The following ANK1 variants were observed in gnomAD, a reference collection of about 807,000 sequenced individuals.
ANK1 encodes the protein ankyrin-1.
In ANK1, 51 loss-of-function variants were observed where a neutral mutation model predicts 210.4. The observed-to-expected ratio is 0.24, with a 90% CI of 0.19 to 0.31. ANK1 has a LOEUF of 0.31. ANK1 is among the 10% of genes least tolerant of loss of function. The pLI, the probability that ANK1 is intolerant of heterozygous loss-of-function variation, is 1.00. For missense variants in ANK1, 2,051 were observed against 2,504.4 expected, an observed-to-expected ratio of 0.82 and a Z score of 3.86; for synonymous variants, 967 against 1,025.9, an observed-to-expected ratio of 0.94 and a Z score of 1.10.
intron 1 of ANK1, among the ~76,000 whole-genome samples, chr8:41,809,364 A>G (rs1802126231): frequency 6.6e-6 from 1 of 152,254 alleles, no homozygotes; most frequent in Admixed American, 6.5e-5. Context: ...CATAGAAATA[A>G]CGTGGAGCAA....
At chr8:41,710,197 C>T (rs762743181) in intron 16 of ANK1, among the ~76,000 whole-genome samples, 4 of 152,204 alleles carry the variant, frequency 2.6e-5, no homozygotes, top group Non-Finnish European at 5.9e-5. Flanking sequence ...CCCAGGTGGG[C>T]ACCTTTGCTC....
At chr8:41,697,346 A>G (rs1563468235) in intron 24 of ANK1, among the ~76,000 whole-genome samples, 1 of 152,204 alleles carries the variant, frequency 6.6e-6, no homozygotes, top group African/African-American at 2.4e-5. Context: ...GCCCTGGCAC[A>G]GCCAGCAGCA....
intron 10 of ANK1, among the ~76,000 whole-genome samples, chr8:41,719,323 A>G (rs1166930896): frequency 6.6e-6 from 1 of 152,170 alleles, no homozygotes; most frequent in African/African-American, 2.4e-5. Context: ...GGAATCACTC[A>G]GCTCCAGGCC....
chr8:41,689,018 C>T (rs1818480973), intron 33 of ANK1, among the ~76,000 whole-genome samples: 1 of 152,216 alleles, frequency 6.6e-6, no homozygotes, highest in Admixed American at 6.5e-5. Context: ...GGATTTCTTT[C>T]TGCTTGAAAG....
At position 41,693,991 on chromosome 8, in the gene ANK1, G is replaced by T; in HGVS notation, c.3439C>A (p.Leu1147Ile). The T allele has an allele frequency of 6.2e-7, 1 of 1,614,108 alleles. No homozygotes were observed. The highest frequency in any genetic ancestry group is 8.5e-7 in the Non-Finnish European group (1 of 1,179,988). ...RRRKFHRPIG[L>I]RIPLPPSWTD... ...CAGGAAGGAGGTAGTGGGATCCGAAGCCCAATGGGGCGGTGGAACTTCCGG... is the reference window on the plus strand; with the variant it reads ...CAGGAAGGAGGTAGTGGGATCCGAATCCCAATGGGGCGGTGGAACTTCCGG... Residue 1147 changes from leucine (L) to isoleucine (I), a missense_variant, in exon 29 of 43, where the codon CTT becomes ATT. By Grantham distance (5) the Leu-to-Ile change is conservative. This residue lies in a region of ANK1 where 1,413 missense variants were observed against 1,707.4 expected (regional missense o/e 0.83). Transcript: ENST00000289734.
chr8:41,801,223 G>A (rs57403398), upstream of ANK1, among the ~76,000 whole-genome samples: 1,935 of 152,242 alleles, frequency 0.013, 46 homozygotes, highest in African/African-American at 0.045. Flanking sequence ...CAATCCTCCT[G>A]CCTCAGCCTC....
chr8:41,785,772 T>C (rs1403529935), intron 1 of ANK1, among the ~76,000 whole-genome samples: 1 of 152,180 alleles, frequency 6.6e-6, no homozygotes, highest in East Asian at 1.9e-4. Context: ...TCCAGATCAC[T>C]CACTGCAAGG....
chr8:41,850,771 C>A (rs1811095391), intron 1 of ANK1, among the ~76,000 whole-genome samples: 1 of 152,258 alleles, frequency 6.6e-6, no homozygotes, highest in South Asian at 2.1e-4. Flanking sequence ...CATGAGCTAC[C>A]ATGCCTGGCC....
At chr8:41,784,070 A>C (rs1331458306) in intron 1 of ANK1, among the ~76,000 whole-genome samples, 1 of 152,060 alleles carries the variant, frequency 6.6e-6, no homozygotes. Context: ...AAAAAAAAAA[A>C]AAAGCTGTGA....
intron 3 of ANK1, among the ~76,000 whole-genome samples, chr8:41,729,556 A>T (rs1264764760): frequency 2.0e-5 from 3 of 152,260 alleles, no homozygotes; most frequent in East Asian, 3.9e-4. Context: ...GTGCCCAGCC[A>T]ATTTTTAAAT....
At chr8:41,669,923 C>T (rs1309578413) in intron 38 of ANK1, among the ~76,000 whole-genome samples, 1 of 152,086 alleles carries the variant, frequency 6.6e-6, no homozygotes, top group African/African-American at 2.4e-5. Flanking sequence ...CGGTCTCCTT[C>T]AAAGGGCTAG....
At chr8:41,758,367 G>C (rs1282061941) in intron 1 of ANK1, among the ~76,000 whole-genome samples, 1 of 152,196 alleles carries the variant, frequency 6.6e-6, no homozygotes, top group African/African-American at 2.4e-5. Flanking sequence ...TGTTAAGAGA[G>C]AGTGTTGCTC....
At chr8:41,852,090 G>A (rs1049259035) in intron 1 of ANK1, among the ~76,000 whole-genome samples, 1 of 152,198 alleles carries the variant, frequency 6.6e-6, no homozygotes, top group African/African-American at 2.4e-5. Flanking sequence ...ACGGCTAGTA[G>A]TAGATGGCTG....
In ANK1 at chr8:41,672,718, C is replaced by T. The variant is rs760389794; in HGVS notation, c.4732G>A (p.Val1578Ile). Residue 1578 changes from valine (V) to isoleucine (I), a missense_variant, in exon 38 of 43, where the codon GTC becomes ATC. By Grantham distance (29) the Val-to-Ile change is conservative (BLOSUM62 3). Around this residue, in one of 6 missense-constraint regions of ANK1, gnomAD observed 496 missense variants for 533.4 expected, o/e 0.93. Coordinates refer to ENST00000289734, the MANE Select transcript of ANK1 (RefSeq NM_000037.4). ...VWSAGLTPSL[V>I]TAEDSSLECS... ...TCCAGAGAGGAGTCCTCAGCAGTGA[C>T]CAGAGAAGGCGTGAGGCCCGCAGAC... 5.0e-6 allele frequency: 8 copies of T among 1,609,642 alleles called. No homozygotes were observed. The highest frequency in any genetic ancestry group is 5.9e-6 in the Non-Finnish European group (7 of 1,176,752).
intron 1 of ANK1, among the ~76,000 whole-genome samples, chr8:41,783,034 A>C (rs76544081): frequency 3.7e-3 from 557 of 152,364 alleles, no homozygotes; most frequent in Non-Finnish European, 6.1e-3. Context: ...CCAGCCAAGC[A>C]AACTATCAAA....
chr8:41,835,622 G>A (rs1312749686), intron 1 of ANK1, among the ~76,000 whole-genome samples: 5 of 152,236 alleles, frequency 3.3e-5, no homozygotes, highest in Non-Finnish European at 7.3e-5. Context: ...GCTGCTGCCA[G>A]CAGAGCCCAC....
intron 1 of ANK1, among the ~76,000 whole-genome samples, chr8:41,827,500 A>C (rs1395933609): frequency 6.6e-6 from 1 of 152,228 alleles, no homozygotes; most frequent in Non-Finnish European, 1.5e-5. Context: ...TTAAAATAAA[A>C]CAAAATGTAA....
chr8:41,823,195 G>A (rs1012698028), intron 1 of ANK1, among the ~76,000 whole-genome samples: 1 of 152,136 alleles, frequency 6.6e-6, no homozygotes. Context: ...ACGCATGGGA[G>A]TATTTTCCTT....
At chr8:41,679,552 G>A (rs1405115532) in intron 37 of ANK1, among the ~76,000 whole-genome samples, 1 of 136,598 alleles carries the variant, frequency 7.3e-6, no homozygotes, top group Non-Finnish European at 1.6e-5. Context: ...GGTCTTCCTG[G>A]ACTTTCTTTT....
Sources: gnomAD v4.1 joint callset for allele counts (sites outside exome capture counted in the v4.1 genomes callset) on GRCh38, gnomAD v4.1.1 for gene constraint, gnomAD v4.1.1 regional missense constraint, MANE v1.5 for transcripts, NCBI Gene and HGNC (gene_info 2026-07-23, HGNC 2026-07-21) for gene names.